Variants in RIMS1 observed in about 807,000 individuals in gnomAD.
RIMS1 encodes regulating synaptic membrane exocytosis 1, also known as regulating synaptic membrane exocytosis protein 1.
RIMS1 carries 83 observed loss-of-function variants against 214.1 expected under a neutral mutation model. That is an observed-to-expected ratio of 0.39 (90% CI 0.32 to 0.47). The LOEUF (loss-of-function observed/expected upper bound fraction) is 0.47. Among genes scored for constraint, RIMS1 ranks in the 20% least tolerant of loss-of-function variants. The pLI, the probability that RIMS1 is intolerant of heterozygous loss-of-function variation, is 0.99. For synonymous variants in RIMS1, 793 were observed against 786.8 expected (o/e 1.01, Z -0.13); for missense variants, 2,050 against 2,161.8 (o/e 0.95, Z 1.03).
At chr6:72,178,395 TG>T (rs1391785212) in intron 4 of RIMS1, among the ~76,000 whole-genome samples, 1 of 152,224 alleles carries the variant, frequency 6.6e-6, no homozygotes, top group Admixed American at 6.5e-5. Flanking sequence ...TTTCTTCATT[TG>T]ACCTACTAAA....
At chr6:72,157,827 A>G (rs1228212817) in intron 4 of RIMS1, among the ~76,000 whole-genome samples, 1 of 140,142 alleles carries the variant, frequency 7.1e-6, no homozygotes, top group African/African-American at 2.5e-5. Context: ...TTCCCATTTT[A>G]TTACTTCTTT....
At chr6:72,069,655 T>C (rs1830129205) in intron 2 of RIMS1, among the ~76,000 whole-genome samples, 1 of 152,266 alleles carries the variant, frequency 6.6e-6, no homozygotes, top group Non-Finnish European at 1.5e-5. Flanking sequence ...ATGTTGCTGC[T>C]CAAAACCTTC....
At chr6:72,097,888 A>G (rs932106141) in intron 3 of RIMS1, among the ~76,000 whole-genome samples, 4 of 152,192 alleles carry the variant, frequency 2.6e-5, no homozygotes, top group African/African-American at 9.6e-5. Context: ...AGTAATTCTA[A>G]TAAATATTTA....
chr6:72,009,290 C>A (rs1312010202), intron 2 of RIMS1, among the ~76,000 whole-genome samples: 1 of 152,134 alleles, frequency 6.6e-6, no homozygotes, highest in African/African-American at 2.4e-5. Context: ...AACAAAGACA[C>A]AACATACCAG....
chr6:72,351,550 T>A (rs1486741315), intron 29 of RIMS1, among the ~76,000 whole-genome samples: 1 of 152,122 alleles, frequency 6.6e-6, no homozygotes, highest in Non-Finnish European at 1.5e-5. Context: ...ACCCTGACAA[T>A]TGGCTGGATT....
At chr6:72,319,119 C>T (rs1333023547) in intron 28 of RIMS1, among the ~76,000 whole-genome samples, 1 of 152,024 alleles carries the variant, frequency 6.6e-6, no homozygotes, top group Admixed American at 6.6e-5. Context: ...TAAGAAGGAT[C>T]ATGGCCCTAG....
intron 3 of RIMS1, among the ~76,000 whole-genome samples, chr6:72,098,145 A>G (rs1184846904): frequency 6.6e-6 from 1 of 152,138 alleles, no homozygotes; most frequent in African/African-American, 2.4e-5. Context: ...CCCTCTTGAT[A>G]TTTCTCTATT....
chr6:72,300,238 T>C (rs1442587599), intron 26 of RIMS1, among the ~76,000 whole-genome samples: 4 of 151,748 alleles, frequency 2.6e-5, no homozygotes, highest in Non-Finnish European at 5.9e-5. Context: ...ATTTATAGTG[T>C]CATAGGCTTT....
At chr6:72,182,239 A>G (rs770462129) in intron 5 of RIMS1, 45 bp from the exon 6 acceptor site, 1 of 1,507,650 alleles carries the variant, frequency 6.6e-7, no homozygotes, top group Non-Finnish European at 8.9e-7. Flanking sequence ...TTTTATGTCT[A>G]GTCTTTATAA....
intron 29 of RIMS1, among the ~76,000 whole-genome samples, chr6:72,380,248 G>A (rs1320580414): frequency 6.6e-6 from 1 of 152,174 alleles, no homozygotes; most frequent in Non-Finnish European, 1.5e-5. Context: ...GGTTTGTCGT[G>A]GGGTGGAAGG....
intron 2 of RIMS1, among the ~76,000 whole-genome samples, chr6:72,045,270 G>A (rs1822649490): frequency 6.6e-6 from 1 of 151,616 alleles, no homozygotes; most frequent in African/African-American, 2.4e-5. Context: ...GCATCAAACT[G>A]TACACTAAAA....
chr6:72,381,813 G>C (rs1475381497), intron 29 of RIMS1, among the ~76,000 whole-genome samples: 1 of 152,188 alleles, frequency 6.6e-6, no homozygotes, highest in East Asian at 1.9e-4. Flanking sequence ...AGCCATGGAA[G>C]AGCTGAAAAT....
intron 6 of RIMS1, among the ~76,000 whole-genome samples, chr6:72,189,060 C>T (rs943744676): frequency 1.3e-5 from 2 of 152,160 alleles, no homozygotes; most frequent in Admixed American, 6.5e-5. Context: ...GTTATGGGAA[C>T]AGGAAGCAAA....
chr6:71,928,217 C>T (rs1431941814), intron 1 of RIMS1, among the ~76,000 whole-genome samples: 1 of 152,040 alleles, frequency 6.6e-6, no homozygotes, highest in Non-Finnish European at 1.5e-5. Context: ...CATATAGGTA[C>T]AACAGATAAA....
chr6:72,325,899 A>G (rs904062582), intron 28 of RIMS1, among the ~76,000 whole-genome samples: 2 of 151,854 alleles, frequency 1.3e-5, no homozygotes, highest in African/African-American at 2.4e-5. Context: ...CACCTTGATT[A>G]TTAATCACCA....
intron 28 of RIMS1, chr6:72,316,545 A>G (rs568417918): frequency 2.6e-6 from 1 of 383,288 alleles, no homozygotes; most frequent in East Asian, 6.1e-5. Context: ...CTCCCTATCA[A>G]GAAGCTGGGG....
intron 22 of RIMS1, among the ~76,000 whole-genome samples, chr6:72,267,040 C>T (rs956362118): frequency 6.6e-6 from 1 of 151,948 alleles, no homozygotes; most frequent in African/African-American, 2.4e-5. Context: ...TGTGTATATA[C>T]CTTGTTTTAG....
chr6:72,378,173 A>G (rs1047773062), intron 29 of RIMS1, among the ~76,000 whole-genome samples: 17 of 152,300 alleles, frequency 1.1e-4, no homozygotes, highest in African/African-American at 3.6e-4. Context: ...AACTAATTAC[A>G]TATGCCACAT....
chr6:72,354,209 G>A (rs1309518142), intron 29 of RIMS1, among the ~76,000 whole-genome samples: 2 of 152,092 alleles, frequency 1.3e-5, no homozygotes, highest in Non-Finnish European at 2.9e-5. Flanking sequence ...AACAGAGTGA[G>A]ACTCCGTCTC....
Sources: allele counts gnomAD v4.1 joint callset (sites outside exome capture counted in the v4.1 genomes callset), GRCh38; gene constraint gnomAD v4.1.1; transcripts MANE v1.5; gene names NCBI Gene and HGNC (gene_info 2026-07-23, HGNC 2026-07-21).